ZNF592: variants seen among roughly 807,000 people sequenced by gnomAD.
ZNF592 encodes the protein zinc finger protein 592.
Under a neutral mutation model 80.3 loss-of-function variants are expected in ZNF592, and 11 were observed. The ratio of observed to expected loss-of-function variants is 0.14; its 90% CI spans 0.09 to 0.23. The LOEUF (loss-of-function observed/expected upper bound fraction) is 0.23. Among genes scored for constraint, ZNF592 ranks in the 10% least tolerant of loss-of-function variants. ZNF592 has a pLI of 1.00. For synonymous variants in ZNF592, 646 were observed against 640.3 expected, an observed-to-expected ratio of 1.01 and a Z score of -0.13; for missense variants, 1,420 against 1,633.9, an observed-to-expected ratio of 0.87 and a Z score of 2.26.
At chr15:84,777,512 G>GGGTCTCACTATGTTGGTCTT (rs1485105086) in intron 2 of ZNF592, among the ~76,000 whole-genome samples, 5 of 151,490 alleles carry the variant, frequency 3.3e-5, no homozygotes, top group Non-Finnish European at 7.4e-5. Context: ...GAAAGGCATG[G>GGGTCTCACTATGTTGGTCTT]GGTCTCACTA....
chr15:84,758,913 G>C (rs1899263326), intron 1 of ZNF592, among the ~76,000 whole-genome samples: 1 of 152,054 alleles, frequency 6.6e-6, no homozygotes, highest in Admixed American at 6.6e-5. Context: ...GTGACAGAGT[G>C]GGACTTTGTC....
rs551274258 is a variant in ZNF592 at position 84,803,029 on chromosome 15, C to G, written c.*636C>G. ...GGGTGGGAGAAACCTCTGCTGCACA[C>G]CTCTGTTTGGAACCTGGGCAGAGCA... On this transcript the variant is annotated 3_prime_UTR_variant, in exon 11 of 11. Transcript: ENST00000560079. The G allele has an allele frequency of 6.5e-6, 1 of 153,762 alleles. No homozygotes were observed. The highest frequency in any genetic ancestry group is 2.0e-4 in the South Asian group (1 of 4,900). The allele number at this position is 153,762 out of a possible 1,614,324, so 9.5% of individuals were successfully genotyped here.
At chr15:84,760,899 C>G (rs924040375) in intron 1 of ZNF592, among the ~76,000 whole-genome samples, 4 of 151,984 alleles carry the variant, frequency 2.6e-5, no homozygotes, top group Non-Finnish European at 4.4e-5. Flanking sequence ...GGTCTTAGGC[C>G]TAGATTATGG....
chr15:84,752,599 G>A (rs1899045008), intron 1 of ZNF592, among the ~76,000 whole-genome samples: 1 of 152,194 alleles, frequency 6.6e-6, no homozygotes, highest in African/African-American at 2.4e-5. Flanking sequence ...AGCTAAGTTG[G>A]GGCTGTGAAA....
Position 84,801,849 on chromosome 15 carries a change from G to A in ZNF592, c.3274-14G>A, listed in dbSNP as rs773808722. On this transcript the variant is annotated splice_polypyrimidine_tract_variant and intron_variant, in intron 10 of 10. Coordinates refer to ENST00000560079, the MANE Select transcript of ZNF592 (RefSeq NM_014630.3). ...GCTTGGCCTGGACTTTGCTCATGCT[G>A]TCTCTCCTTTTAGGTGAACCATCTG... The A allele has an allele frequency of 6.8e-6, 11 of 1,613,836 alleles. No individual in the cohort carries two copies. Among genetic ancestry groups the A allele is most frequent in the African/African-American group, 2.7e-5 (2 of 74,908 alleles).
intron 10 of ZNF592, among the ~76,000 whole-genome samples, chr15:84,801,034 G>A (rs1470765072): frequency 6.6e-6 from 1 of 152,204 alleles, no homozygotes; most frequent in Admixed American, 6.5e-5. Flanking sequence ...AGAAAAGCAT[G>A]CATATACTGG....
chr15:84,785,558 C>T (rs1412847047), intron 4 of ZNF592, among the ~76,000 whole-genome samples: 1 of 152,196 alleles, frequency 6.6e-6, no homozygotes, highest in East Asian at 1.9e-4. Context: ...GTGATCTGCC[C>T]ACCTCAGCCT....
chr15:84,752,075 T>G (rs1899031116), intron 1 of ZNF592, among the ~76,000 whole-genome samples: 1 of 152,186 alleles, frequency 6.6e-6, no homozygotes, highest in Non-Finnish European at 1.5e-5. Context: ...GTTTTATTAT[T>G]TAAATGTTTG....
Position 84,784,157 on chromosome 15 carries a change from C to T in ZNF592, c.1482C>T (p.Ala494=). 1 of 1,614,172 alleles carries T rather than the reference C, an allele frequency of 6.2e-7. No individual in the cohort carries two copies. The highest frequency in any genetic ancestry group is 8.5e-7 in the Non-Finnish European group (1 of 1,180,034). Residue 494 remains alanine, a synonymous_variant, in exon 4 of 11, where the codon GCC becomes GCT. Coordinates refer to ENST00000560079, the MANE Select transcript of ZNF592 (RefSeq NM_014630.3). The surrounding 1 kb of genome is among the most constrained non-coding windows in gnomAD (Gnocchi z 5.8). The stretch of plus-strand genomic sequence containing the variant: ...CAGCACTGCAGGCATCCACCCTGGC[C>T]CCTGCCAACCTCCTGCCCAAAGCCG... ...QSTALQASTL[A]PANLLPKAVH... is the part of the protein sequence containing the mutation.
Position 84,791,156 on chromosome 15 carries a change from G to A in ZNF592, c.2399+273G>A, listed in dbSNP as rs78951426. ...AGACATATAATACTTTGTCTATTTG[G>A]TTTTAAAACGTATGTAAGTTTAATT... On this transcript the variant is annotated intron_variant, in intron 5 of 10. Coordinates refer to ENST00000560079, the MANE Select transcript of ZNF592 (RefSeq NM_014630.3). Among the ~76,000 whole-genome samples, 617 of 152,326 alleles carry A rather than the reference G, an allele frequency of 4.1e-3. 6 individuals carry two copies. Among genetic ancestry groups the A allele is most frequent in the African/African-American group, 0.014 (596 of 41,564 alleles).
chr15:84,757,739 A>T (rs1336990064), intron 1 of ZNF592, among the ~76,000 whole-genome samples: 1 of 151,100 alleles, frequency 6.6e-6, no homozygotes, highest in African/African-American at 2.4e-5. Context: ...GCTCACTGCA[A>T]CCTTCACCTC....
rs781253291 is a variant in ZNF592 at position 84,783,677 on chromosome 15, C to T, written c.1002C>T (p.Ser334=). The T allele has an allele frequency of 1.2e-5, 19 of 1,614,212 alleles. No homozygotes were observed. The South Asian group carries it at 1.8e-4, about 15-fold the overall frequency. The change falls in exon 4 of 11, where the codon AGC becomes AGT. Residue 334 remains serine, a synonymous_variant. Coordinates refer to ENST00000560079, the MANE Select transcript of ZNF592 (RefSeq NM_014630.3). The surrounding 1 kb of genome is among the most constrained non-coding windows in gnomAD (Gnocchi z 5.0). ...KMPKSPKSPR[S]PLEATRKSIK... is the part of the protein sequence containing the mutation. ...CCAAGTCACCAAAGAGTCCCCGGAGCCCTCTGGAGGCCACTAGAAAAAGTA... is the reference window on the plus strand; with the variant it reads ...CCAAGTCACCAAAGAGTCCCCGGAGTCCTCTGGAGGCCACTAGAAAAAGTA...
intron 2 of ZNF592, among the ~76,000 whole-genome samples, chr15:84,768,968 T>C (rs1384572750): frequency 1.3e-5 from 2 of 152,190 alleles, no homozygotes; most frequent in African/African-American, 2.4e-5. Context: ...TGAGACATGG[T>C]GTCCATCTGT....
Position 84,790,902 on chromosome 15 carries a change from G to A in ZNF592, c.2399+19G>A. On this transcript the variant is annotated intron_variant, in intron 5 of 10. Coordinates refer to ENST00000560079, the MANE Select transcript of ZNF592 (RefSeq NM_014630.3). ...GCTACAGGTGGGTGCTGCCTGGCTT[G>A]CTGTCCTGGTATTGCCCAATGGCTG... The A allele has an allele frequency of 1.9e-6, 3 of 1,614,144 alleles. No homozygotes were observed. Among genetic ancestry groups the A allele is most frequent in the Non-Finnish European group, 2.5e-6 (3 of 1,180,026 alleles).
intron 1 of ZNF592, among the ~76,000 whole-genome samples, chr15:84,759,914 G>C (rs999770546): frequency 6.7e-6 from 1 of 149,626 alleles, no homozygotes; most frequent in Non-Finnish European, 1.5e-5. Context: ...TTTTGAGGCA[G>C]AGTTGGAATT....
rs1367143145 is a variant in ZNF592 at position 84,799,201 on chromosome 15, A to G, written c.3128A>G (p.Tyr1043Cys). The change falls in exon 9 of 11, where the codon TAC (tyrosine) becomes TGC (cysteine). Residue 1043 changes from tyrosine (Y) to cysteine (C), a missense_variant. By Grantham distance (194) the Tyr-to-Cys change is radical. Coordinates refer to ENST00000560079, the MANE Select transcript of ZNF592 (RefSeq NM_014630.3). This position sits in a 1 kb window ranked among gnomAD's most constrained non-coding sequence, Gnocchi z 4.2. ...AACCATGACACAGTAAAGAAGTTCT[A>G]CACCTGCGGGTGAGTCCCTGGGGAT... Reference protein sequence around the residue: ...RNNHDTVKKFYTCGYCTEDSP... With the variant: ...RNNHDTVKKFCTCGYCTEDSP... 6.2e-7 allele frequency: 1 copy of G among 1,614,054 alleles called. No homozygotes were observed. The highest frequency in any genetic ancestry group is 8.5e-7 in the Non-Finnish European group (1 of 1,180,034).
chr15:84,777,694 C>CTTT lies in ZNF592; in HGVS notation c.-149-468_-149-466dup, dbSNP rs397854471. Among the ~76,000 whole-genome samples, 127 of 98,382 alleles carry CTTT rather than the reference C, an allele frequency of 1.3e-3. 1 individual carries two copies. The highest frequency in any genetic ancestry group is 2.5e-3 in the African/African-American group (65 of 26,418). The allele number at this position is 98,382 out of a possible 152,430, so 64.5% of individuals were successfully genotyped here. A position where few individuals can be genotyped will look rare whatever the true frequency, so the allele number is the denominator to read the frequency against. ...GAAAATAATTTCGTCTGTTGAGATA[C>CTTT]TTTTTTTTTTTTTTTTTTTTTTTGA... On this transcript the variant is annotated intron_variant, in intron 2 of 10. Coordinates refer to ENST00000560079, the MANE Select transcript of ZNF592 (RefSeq NM_014630.3).
At chr15:84,768,230 C>CTTTTTTT (rs995969490) in intron 2 of ZNF592, among the ~76,000 whole-genome samples, 9 of 122,342 alleles carry the variant, frequency 7.4e-5, no homozygotes, top group East Asian at 2.3e-4. Flanking sequence ...TTCTTTCTTT[C>CTTTTTTT]TTTTTTTTTT....
chr15:84,754,028 C>T (rs1596103065), intron 1 of ZNF592, among the ~76,000 whole-genome samples: 2 of 152,220 alleles, frequency 1.3e-5, no homozygotes, highest in East Asian at 3.9e-4. Flanking sequence ...CTTCAGCCAA[C>T]CATTTGCTTT....
Sources: gnomAD v4.1 joint callset for allele counts (sites outside exome capture counted in the v4.1 genomes callset) on GRCh38, gnomAD v4.1.1 for gene constraint, Gnocchi (gnomAD v3.1) non-coding constraint, MANE v1.5 for transcripts, NCBI Gene and HGNC (gene_info 2026-07-23, HGNC 2026-07-21) for gene names.